Variants in MUC13 observed in about 807,000 individuals in gnomAD.
The protein encoded by MUC13 is mucin-13.
Under a neutral mutation model 48.3 loss-of-function variants are expected in MUC13, and 32 were observed. That is an observed-to-expected ratio of 0.66 (90% CI 0.50 to 0.89). The LOEUF (loss-of-function observed/expected upper bound fraction) is 0.89, where lower values mean the gene tolerates loss of function less well. MUC13 is among the 40% of genes least tolerant of loss of function. The pLI is 0.00. For synonymous variants in MUC13, 199 were observed against 224.9 expected, an observed-to-expected ratio of 0.88 and a Z score of 1.03; for missense variants, 571 against 622.8, an observed-to-expected ratio of 0.92 and a Z score of 0.88.
intron 2 of MUC13, among the ~76,000 whole-genome samples, chr3:124,926,936 G>A (rs1372499054): frequency 2.0e-5 from 3 of 152,196 alleles, no homozygotes; most frequent in Non-Finnish European, 2.9e-5. Flanking sequence ...ATTAACTTCT[G>A]CTTGAGGTCA....
intron 4 of MUC13, 32 bp from the exon 5 acceptor site, chr3:124,920,321 A>C: frequency 6.4e-7 from 1 of 1,557,556 alleles, no homozygotes; most frequent in East Asian, 2.3e-5. Context: ...ATAACAAGTA[A>C]AAAAAATTTT....
At chr3:124,919,654 G>A (rs765795020) in intron 5 of MUC13, among the ~76,000 whole-genome samples, 13 of 152,150 alleles carry the variant, frequency 8.5e-5, no homozygotes, top group Non-Finnish European at 1.6e-4. Context: ...CTCCAGAGGA[G>A]GCTGAGATGC....
intron 4 of MUC13, among the ~76,000 whole-genome samples, chr3:124,920,721 G>C (rs965666035): frequency 1.3e-5 from 2 of 152,370 alleles, no homozygotes; most frequent in Non-Finnish European, 1.5e-5. Context: ...TCAAAGTCAA[G>C]TTTGGGGAAA....
intron 1 of MUC13, among the ~76,000 whole-genome samples, chr3:124,931,848 G>T (rs1024606689): frequency 2.0e-5 from 3 of 151,870 alleles, no homozygotes; most frequent in Non-Finnish European, 4.4e-5. Context: ...TTCGAGAACA[G>T]CCTGGCCAAT....
intron 2 of MUC13, among the ~76,000 whole-genome samples, chr3:124,925,315 G>A (rs768616671): frequency 7.2e-5 from 11 of 152,184 alleles, no homozygotes; most frequent in Non-Finnish European, 1.3e-4. Context: ...AGGAGTTAGA[G>A]GGGAGGATGA....
intron 1 of MUC13, among the ~76,000 whole-genome samples, chr3:124,928,897 T>C (rs1051995049): frequency 1.3e-5 from 2 of 152,132 alleles, no homozygotes; most frequent in African/African-American, 4.8e-5. Flanking sequence ...CTTGATAGAT[T>C]GAGGGAGGGA....
Position 124,916,330 on chromosome 3 carries a change from A to C in MUC13, c.951T>G (p.Phe317Leu), listed in dbSNP as rs370885108. The C allele has an allele frequency of 2.0e-4, 322 of 1,610,790 alleles. No individual in the cohort carries two copies. Among genetic ancestry groups the C allele is most frequent in the Non-Finnish European group, 2.6e-4 (304 of 1,179,028 alleles). The change falls in exon 6 of 12, where the codon TTT becomes TTG. Residue 317 changes from phenylalanine to leucine, a missense_variant. Coordinates refer to ENST00000616727, the MANE Select transcript of MUC13 (RefSeq NM_033049.4). ...TACAATACTTACAATCATAGTTTAG[A>C]AAGTTGCTTGAGCTACTTCTAATTG... is the stretch of plus-strand genomic sequence containing the variant. ...NKAIRSSSSN[F>L]LNYDLTLRCD...
chr3:124,928,153 C>A (rs1935729749), intron 1 of MUC13, among the ~76,000 whole-genome samples, 160 bp from the exon 2 acceptor site: 1 of 150,606 alleles, frequency 6.6e-6, no homozygotes, highest in Admixed American at 6.6e-5. Context: ...TGGGCTCAAG[C>A]AGTCCACCCT....
intron 5 of MUC13, 153 bp downstream of exon 5, chr3:124,920,081 A>G: frequency 1.4e-6 from 1 of 726,456 alleles, no homozygotes; most frequent in Non-Finnish European, 2.4e-6. Context: ...CAAGGCACAC[A>G]GTCCCCTTTG....
chr3:124,916,290 C>G (rs377547921), intron 6 of MUC13, 27 bp downstream of exon 6: 3 of 1,584,132 alleles, frequency 1.9e-6, no homozygotes, highest in African/African-American at 1.4e-5. Context: ...TTCAGGTGAA[C>G]TTTGAATAAA....
intron 2 of MUC13, among the ~76,000 whole-genome samples, chr3:124,926,346 A>G (rs1935685977): frequency 6.6e-6 from 1 of 152,316 alleles, no homozygotes; most frequent in South Asian, 2.1e-4. Flanking sequence ...TGGTAGGGCC[A>G]GAACACAGGA....
chr3:124,923,627 A>G lies in MUC13; in HGVS notation c.537T>C (p.Asp179=). The G allele has an allele frequency of 1.2e-6, 2 of 1,613,826 alleles. No individual in the cohort carries two copies. The highest frequency in any genetic ancestry group is 1.7e-6 in the Non-Finnish European group (2 of 1,179,896). Residue 179 remains aspartate, a synonymous_variant, in exon 3 of 12, where the codon GAT becomes GAC. Transcript: ENST00000616727. ...ATAACGAATTATCTGCACAGGGATC[A>G]TCTTGGCAAGGATTGCTGGGACCTT... The part of the protein sequence containing the change: ...NSTGPSNPCQ[D]DPCADNSLCV...
intron 4 of MUC13, 26 bp downstream of exon 4, chr3:124,922,171 A>C: frequency 6.2e-7 from 1 of 1,613,106 alleles, no homozygotes; most frequent in Non-Finnish European, 8.5e-7. Context: ...AATGCTTTAC[A>C]GAAAGGAAAG....
chr3:124,909,363 TG>T (rs1032424654), intron 10 of MUC13, among the ~76,000 whole-genome samples: 2 of 152,148 alleles, frequency 1.3e-5, no homozygotes, highest in African/African-American at 2.4e-5. Context: ...TCCCTGTTAA[TG>T]GGGGGACTTT....
chr3:124,913,614 G>T lies in MUC13; in HGVS notation c.1032C>A (p.Cys344Ter). The T allele has an allele frequency of 1.2e-6, 2 of 1,614,156 alleles. No homozygotes were observed. The highest frequency in any genetic ancestry group is 1.7e-6 in the Non-Finnish European group (2 of 1,180,022). The change falls in exon 7 of 12, where the codon TGC (cysteine) becomes TGA (stop). Residue 344 changes from cysteine to a stop codon, truncating the protein, a stop_gained. Coordinates refer to ENST00000616727, the MANE Select transcript of MUC13 (RefSeq NM_033049.4). LOFTEE classifies it high-confidence loss of function. ...GCCTTTGCAGGTCAGATTTGCAATC[G>T]CATGCTAAACCATTGAGGCAGTCAT... Reference protein sequence around the residue: ...TADDCLNGLACDCKSDLQRPN... With the variant: ...TADDCLNGLA
intron 5 of MUC13, among the ~76,000 whole-genome samples, chr3:124,919,844 G>A (rs1477442767): frequency 6.6e-6 from 1 of 152,132 alleles, no homozygotes; most frequent in African/African-American, 2.4e-5. Context: ...CTTGCCATAT[G>A]AGGGAAGAGA....
chr3:124,911,351 G>T (rs1483495525), intron 9 of MUC13, among the ~76,000 whole-genome samples: 1 of 152,158 alleles, frequency 6.6e-6, no homozygotes, highest in Non-Finnish European at 1.5e-5. Flanking sequence ...TGGCAAATCT[G>T]GGAAAGACCT....
At chr3:124,914,088 T>A (rs1016105765) in intron 6 of MUC13, among the ~76,000 whole-genome samples, 6 of 151,706 alleles carry the variant, frequency 4.0e-5, no homozygotes, top group Non-Finnish European at 8.8e-5. Flanking sequence ...AATAAAGAAA[T>A]AAAAATGGGT....
chr3:124,932,574 A>G (rs904320077), intron 1 of MUC13, among the ~76,000 whole-genome samples: 1 of 152,150 alleles, frequency 6.6e-6, no homozygotes, highest in Admixed American at 6.5e-5. Flanking sequence ...CTCAAAAAAA[A>G]AAAAAGAAAG....
Sources: allele counts gnomAD v4.1 joint callset (sites outside exome capture counted in the v4.1 genomes callset), GRCh38; gene constraint gnomAD v4.1.1; transcripts MANE v1.5; gene names NCBI Gene and HGNC (gene_info 2026-07-23, HGNC 2026-07-21).